Variants in MCTP1 observed in about 807,000 individuals in gnomAD.
The protein encoded by MCTP1 is multiple C2 and transmembrane domain containing 1.
MCTP1 carries 69 observed loss-of-function variants against 120.6 expected under a neutral mutation model. That is an observed-to-expected ratio of 0.57 (90% confidence interval 0.47 to 0.70). MCTP1 has a LOEUF of 0.70. Among genes scored for constraint, MCTP1 ranks in the 30% least tolerant of loss-of-function variants. MCTP1 has a pLI of 0.00. For synonymous variants in MCTP1, 529 were observed against 493.1 expected, an observed-to-expected ratio of 1.07 and a Z score of -0.96; for missense variants, 1,203 against 1,248.8, an observed-to-expected ratio of 0.96 and a Z score of 0.55.
chr5:94,903,548 T>C (rs1414108706), intron 10 of MCTP1, among the ~76,000 whole-genome samples: 3 of 152,236 alleles, frequency 2.0e-5, no homozygotes, highest in East Asian at 3.8e-4. Context: ...GCATTTGTTC[T>C]TCACCCAGAA....
intron 18 of MCTP1, among the ~76,000 whole-genome samples, chr5:94,784,097 G>A (rs765490832): frequency 1.3e-5 from 2 of 152,150 alleles, no homozygotes; most frequent in South Asian, 2.1e-4. Flanking sequence ...AAAGAAAACT[G>A]ACACAAAAGA....
chr5:95,016,315 C>G (rs185438118), intron 2 of MCTP1, among the ~76,000 whole-genome samples: 157 of 152,120 alleles, frequency 1.0e-3, no homozygotes, highest in African/African-American at 3.6e-3. Context: ...CACACCCAGA[C>G]AAGAATGTTT....
At chr5:95,247,279 T>C (rs897012971) in intron 1 of MCTP1, among the ~76,000 whole-genome samples, 2 of 152,186 alleles carry the variant, frequency 1.3e-5, no homozygotes, top group African/African-American at 4.8e-5. Flanking sequence ...GATTCTTCTC[T>C]CTTTTCTTCT....
intron 1 of MCTP1, among the ~76,000 whole-genome samples, chr5:95,160,436 T>C (rs993793653): frequency 6.6e-6 from 1 of 152,176 alleles, no homozygotes; most frequent in South Asian, 2.1e-4. Flanking sequence ...TAATAGAACA[T>C]TTGCCATGTT....
intron 1 of MCTP1, among the ~76,000 whole-genome samples, chr5:95,201,463 G>GTTTTTTTTTTTTTT (rs1562232022): frequency 8.3e-6 from 1 of 120,682 alleles, no homozygotes; most frequent in Non-Finnish European, 1.8e-5. Flanking sequence ...AAGGAAAAGT[G>GTTTTTTTTTTTTTT]GTTTTTTTTT....
chr5:94,941,680 T>C (rs1203326718), intron 4 of MCTP1, among the ~76,000 whole-genome samples: 1 of 152,082 alleles, frequency 6.6e-6, no homozygotes. Context: ...TCTTTTCTAA[T>C]GGTATTTTTT....
chr5:95,178,566 A>G (rs538023599), intron 1 of MCTP1, among the ~76,000 whole-genome samples: 1 of 152,290 alleles, frequency 6.6e-6, no homozygotes, highest in East Asian at 1.9e-4. Context: ...CTAGACCCAG[A>G]AGAGCAAAAG....
intron 19 of MCTP1, among the ~76,000 whole-genome samples, chr5:94,775,397 A>G (rs933175234): frequency 1.1e-4 from 16 of 152,194 alleles, no homozygotes; most frequent in African/African-American, 3.9e-4. Flanking sequence ...GATTATGCAG[A>G]CTGACCACTG....
chr5:95,039,278 G>A (rs1172896913), intron 1 of MCTP1, among the ~76,000 whole-genome samples: 1 of 152,158 alleles, frequency 6.6e-6, no homozygotes, highest in Non-Finnish European at 1.5e-5. Context: ...CATAAAGGAA[G>A]TGCTTTAAAG....
At chr5:95,178,418 T>C (rs183182560) in intron 1 of MCTP1, among the ~76,000 whole-genome samples, 247 of 152,328 alleles carry the variant, frequency 1.6e-3, no homozygotes, top group Middle Eastern at 6.8e-3. Flanking sequence ...GGTGCACTCT[T>C]GTGTTCCTGG....
intron 18 of MCTP1, among the ~76,000 whole-genome samples, chr5:94,787,491 T>C (rs537998859): frequency 1.3e-5 from 2 of 152,296 alleles, no homozygotes; most frequent in East Asian, 3.9e-4. Context: ...AACCATTCTC[T>C]TCCACAGGAC....
chr5:94,920,742 A>AAAATAAAT (rs113227976), intron 7 of MCTP1, among the ~76,000 whole-genome samples: 7,136 of 142,002 alleles, frequency 0.05, 219 homozygotes, highest in Admixed American at 0.072. Flanking sequence ...ATTCCGTCTC[A>AAAATAAAT]AAATAAATAA....
chr5:94,924,368 C>G (rs901429031), intron 6 of MCTP1, among the ~76,000 whole-genome samples: 1 of 152,012 alleles, frequency 6.6e-6, no homozygotes, highest in Non-Finnish European at 1.5e-5. Flanking sequence ...TTCCTTTTAA[C>G]AAAACAATTA....
intron 21 of MCTP1, 114 bp from the exon 22 acceptor site, chr5:94,708,723 C>A: frequency 1.7e-6 from 1 of 599,638 alleles, no homozygotes. Flanking sequence ...GTTTTTTCCC[C>A]CTCTTCCTCT....
At chr5:95,163,847 A>C (rs1222881828) in intron 1 of MCTP1, among the ~76,000 whole-genome samples, 1 of 152,186 alleles carries the variant, frequency 6.6e-6, no homozygotes, top group Non-Finnish European at 1.5e-5. Flanking sequence ...AAAAAATTTA[A>C]ATGATGGTTG....
chr5:95,072,824 C>T (rs902580342), intron 1 of MCTP1, among the ~76,000 whole-genome samples: 10 of 141,152 alleles, frequency 7.1e-5, no homozygotes, highest in Middle Eastern at 4.2e-3. Flanking sequence ...CGGCTCACTG[C>T]AAGCTCTGCC....
At chr5:94,947,587 G>A in intron 3 of MCTP1, among the ~76,000 whole-genome samples, 1 of 49,366 alleles carries the variant, frequency 2.0e-5, no homozygotes, top group South Asian at 6.7e-4. Context: ...TAGAGAGAGA[G>A]AGAGAGAGAG....
intron 1 of MCTP1, among the ~76,000 whole-genome samples, chr5:95,092,704 AAAAG>A (rs1395445805): frequency 1.3e-5 from 2 of 152,172 alleles, no homozygotes; most frequent in African/African-American, 4.8e-5. Flanking sequence ...AAAAGAAAGA[AAAAG>A]AAAAGGTGAA....
intron 10 of MCTP1, among the ~76,000 whole-genome samples, chr5:94,908,837 C>T (rs116410149): frequency 9.7e-4 from 147 of 152,158 alleles, no homozygotes; most frequent in African/African-American, 3.3e-3. Flanking sequence ...AAGGAGATTA[C>T]AAGCATTCTC....
Sources: allele counts gnomAD v4.1 joint callset (sites outside exome capture counted in the v4.1 genomes callset), GRCh38; gene constraint gnomAD v4.1.1; transcripts MANE v1.5; gene names NCBI Gene and HGNC (gene_info 2026-07-23, HGNC 2026-07-21).